The following ATP2C2 variants were observed in gnomAD, a reference collection of about 807,000 sequenced individuals.
ATP2C2 encodes calcium-transporting ATPase type 2C member 2.
ATP2C2 carries 171 observed loss-of-function variants against 110.8 expected under a neutral mutation model. The ratio of observed to expected loss-of-function variants is 1.54; its 90% CI spans 1.36 to 1.75. The LOEUF (loss-of-function observed/expected upper bound fraction) is 1.75. Ranked by LOEUF, ATP2C2 falls within the 40% of genes most tolerant of loss-of-function variation. The pLI, the probability that ATP2C2 is intolerant of heterozygous loss-of-function variation, is 0.00. For missense variants in ATP2C2, 1,963 were observed against 1,235.0 expected, an observed-to-expected ratio of 1.59 and a Z score of -8.84; for synonymous variants, 804 against 508.4, an observed-to-expected ratio of 1.58 and a Z score of -7.82.
intron 2 of ATP2C2, 172 bp from the exon 3 acceptor site, chr16:84,404,956 C>G (rs1905620836): frequency 2.8e-6 from 2 of 710,714 alleles, no homozygotes; most frequent in African/African-American, 3.5e-5. Flanking sequence ...TTTTCCTCCT[C>G]TCTCTGCCCC....
chr16:84,385,683 G>C (rs939820025), intron 1 of ATP2C2, among the ~76,000 whole-genome samples: 7 of 152,198 alleles, frequency 4.6e-5, no homozygotes, highest in African/African-American at 1.4e-4. Flanking sequence ...GAAACTTACA[G>C]TCATGGCGGA....
In ATP2C2 at chr16:84,425,772, A is replaced by G. The variant is rs981799687; in HGVS notation, c.957A>G (p.Gln319=). ...IMLIGWSQGK[Q]LLSMFTIGVS... is the part of the protein sequence containing the mutation. ...TCATTGGCTGGTCGCAAGGGAAACA[A>G]CTCCTGAGTATGTTCACGATCGGGG... Residue 319 remains glutamine (Q), a synonymous_variant, in exon 11 of 27, where the codon CAA becomes CAG. Transcript: ENST00000262429. The G allele has an allele frequency of 1.9e-6, 3 of 1,613,810 alleles. No homozygotes were observed. Among genetic ancestry groups the G allele is most frequent in the Non-Finnish European group, 1.7e-6 (2 of 1,179,960 alleles).
intron 1 of ATP2C2, among the ~76,000 whole-genome samples, chr16:84,398,048 A>G (rs952482423): frequency 4.6e-5 from 7 of 151,750 alleles, no homozygotes; most frequent in African/African-American, 1.7e-4. Flanking sequence ...GGCTGGTTAT[A>G]AGGGTTAGTT....
chr16:84,386,822 C>A (rs1567687913), intron 1 of ATP2C2, among the ~76,000 whole-genome samples: 1 of 152,170 alleles, frequency 6.6e-6, no homozygotes, highest in Non-Finnish European at 1.5e-5. Context: ...GAGGGTCACA[C>A]AGCGTAGGTG....
intron 17 of ATP2C2, 109 bp downstream of exon 17, chr16:84,448,798 C>G (rs980816307): frequency 1.3e-5 from 18 of 1,432,362 alleles, no homozygotes; most frequent in Non-Finnish European, 1.6e-5. Context: ...CCCAAGGAGT[C>G]AGGCAGCATG....
Position 84,442,641 on chromosome 16 carries a change from C to T in ATP2C2, c.1401+42C>T, listed in dbSNP as rs201355557. 5.9e-4 allele frequency: 931 copies of T among 1,580,012 alleles called. 4 individuals carry two copies. Among genetic ancestry groups the T allele is most frequent in the Admixed American group, 7.3e-4 (44 of 59,894 alleles). On this transcript the variant is annotated intron_variant, in intron 15 of 26. Transcript: ENST00000262429. ...TGGCTCTGCGGGGAATTCTTTCGCT[C>T]GGGGCTGGATTCATTGGTAGAAAGC...
At chr16:84,460,961 C>G in intron 24 of ATP2C2, 160 bp downstream of exon 24, 2 of 1,073,160 alleles carry the variant, frequency 1.9e-6, no homozygotes, top group South Asian at 1.8e-5. Flanking sequence ...GTGCATGAGG[C>G]AAAGGGACTG....
intron 2 of ATP2C2, among the ~76,000 whole-genome samples, chr16:84,399,227 C>T (rs145793416): frequency 4.5e-4 from 68 of 152,328 alleles, no homozygotes; most frequent in South Asian, 1.9e-3. Context: ...GAAAAGGGCA[C>T]ATACTACAAT....
At chr16:84,413,054 C>T (rs1226872301) in intron 6 of ATP2C2, among the ~76,000 whole-genome samples, 1 of 150,482 alleles carries the variant, frequency 6.6e-6, no homozygotes, top group Non-Finnish European at 1.5e-5. Flanking sequence ...GCCAAGAGTG[C>T]TCCATTGTAC....
chr16:84,390,533 A>C (rs893441590), intron 1 of ATP2C2, among the ~76,000 whole-genome samples: 2 of 152,188 alleles, frequency 1.3e-5, no homozygotes, highest in African/African-American at 2.4e-5. Context: ...GGGGGTTCCA[A>C]AGGAGGCACA....
At chr16:84,376,319 A>G (rs946062823) in intron 1 of ATP2C2, among the ~76,000 whole-genome samples, 6 of 152,206 alleles carry the variant, frequency 3.9e-5, no homozygotes, top group South Asian at 2.1e-4. Flanking sequence ...CAGACTGCCA[A>G]TAGCAGGAAG....
intron 15 of ATP2C2, among the ~76,000 whole-genome samples, chr16:84,444,220 C>T (rs932734056): frequency 2.0e-4 from 30 of 149,790 alleles, no homozygotes; most frequent in African/African-American, 5.4e-4. Flanking sequence ...CACCTGTAAT[C>T]GCAACACTTT....
At chr16:84,423,823 T>G (rs76069776) in intron 10 of ATP2C2, among the ~76,000 whole-genome samples, 2,529 of 152,308 alleles carry the variant, frequency 0.017, 69 homozygotes, top group African/African-American at 0.058. Context: ...CCAAACATAT[T>G]TCTATGCTTC....
In ATP2C2 at chr16:84,422,416, C is replaced by T. The variant is rs549313591; in HGVS notation, c.651C>T (p.Ser217=). 53 of 1,613,950 alleles carry T rather than the reference C, an allele frequency of 3.3e-5. No homozygotes were observed. In the South Asian group the frequency reaches 4.3e-4, roughly 13 times the overall value. The change falls in exon 8 of 27, where the codon TCC becomes TCT. Residue 217 remains serine, a synonymous_variant. Transcript: ENST00000262429. ...TCACGGACCTCTTGGTGGATGAATC[C>T]AGTTTCACCGGGGAAGCCGAGCCAT... ...TEVTDLLVDE[S]SFTGEAEPCS... is the part of the protein sequence containing the mutation.
chr16:84,438,945 G>T, intron 11 of ATP2C2: 1 of 531,888 alleles, frequency 1.9e-6, no homozygotes, highest in Non-Finnish European at 3.3e-6. Flanking sequence ...TGACTGACAG[G>T]AGAGGTCCCT....
intron 15 of ATP2C2, among the ~76,000 whole-genome samples, chr16:84,445,744 G>A (rs1324776217): frequency 2.6e-5 from 4 of 152,190 alleles, no homozygotes; most frequent in Non-Finnish European, 4.4e-5. Flanking sequence ...ACACTGTATT[G>A]TACGCATATC....
chr16:84,432,922 G>A (rs72806618), intron 11 of ATP2C2, among the ~76,000 whole-genome samples: 18,486 of 152,110 alleles, frequency 0.12, 1,333 homozygotes, highest in Non-Finnish European at 0.16. Context: ...CCCTGAGAGC[G>A]GGCTCCAGCA....
At chr16:84,407,387 G>A (rs1235053543) in intron 3 of ATP2C2, 1 of 152,566 alleles carries the variant, frequency 6.6e-6, no homozygotes, top group Non-Finnish European at 1.5e-5. Flanking sequence ...TGGATGGAGG[G>A]CGTCGCTGGA....
chr16:84,451,714 C>T (rs1366150155), intron 17 of ATP2C2, among the ~76,000 whole-genome samples: 9 of 152,068 alleles, frequency 5.9e-5, no homozygotes, highest in East Asian at 1.9e-4. Flanking sequence ...GGCGCATGCC[C>T]GTAATCCCAG....
Sources: allele counts gnomAD v4.1 joint callset (sites outside exome capture counted in the v4.1 genomes callset), GRCh38; gene constraint gnomAD v4.1.1; transcripts MANE v1.5; gene names NCBI Gene and HGNC (gene_info 2026-07-23, HGNC 2026-07-21).